CDH3: variants seen among roughly 807,000 people sequenced by gnomAD.
CDH3 encodes the protein cadherin 3, also known as cadherin-3.
CDH3 carries 54 observed loss-of-function variants against 82.0 expected under a neutral mutation model. The observed-to-expected ratio is 0.66, with a 90% CI of 0.53 to 0.83. The LOEUF is 0.83. Among genes scored for constraint, CDH3 ranks in the 40% least tolerant of loss-of-function variants. The pLI, the probability that CDH3 is intolerant of heterozygous loss-of-function variation, is 0.00. For synonymous variants in CDH3, 446 were observed against 437.9 expected (o/e 1.02, Z -0.23); for missense variants, 1,054 against 1,084.6 (o/e 0.97, Z 0.40).
intron 13 of CDH3, among the ~76,000 whole-genome samples, chr16:68,694,127 T>C (rs1310554017): frequency 6.6e-6 from 1 of 151,140 alleles, no homozygotes; most frequent in Non-Finnish European, 1.5e-5. Flanking sequence ...GCCACTGCAT[T>C]CCAGCCTGGG....
intron 9 of CDH3, 28 bp from the exon 10 acceptor site, chr16:68,684,555 C>A: frequency 6.2e-7 from 1 of 1,613,862 alleles, no homozygotes; most frequent in South Asian, 1.1e-5. Flanking sequence ...AAATGGTGGT[C>A]CAGGTCCTTC....
chr16:68,720,479 AAG>A (rs1376877377), intron 1 of CDH3, among the ~76,000 whole-genome samples: 1 of 152,184 alleles, frequency 6.6e-6, no homozygotes. Context: ...CCAGAAAGGG[AAG>A]AGAGAGCTCT....
rs1018954844 is a variant in CDH3 at position 68,684,879 on chromosome 16, G to A, written c.1424+55G>A. 3.7e-6 allele frequency: 6 copies of A among 1,608,810 alleles called. No individual in the cohort carries two copies. The African/African-American group carries it at 8.0e-5, about 21-fold the overall frequency. On this transcript the variant is annotated intron_variant, in intron 10 of 15. Coordinates refer to ENST00000264012, the MANE Select transcript of CDH3 (RefSeq NM_001793.6). ...ACGTACTGGTACAGTTGGTGGGTGG[G>A]TGATCATGGCCAACGTTTGTTCTGA...
In CDH3 at chr16:68,661,775, G is replaced by A. The variant is rs187066828; in HGVS notation, c.161-14610G>A. ...GCGATCTCAGCTCGCTGCAACCTCCGCCTCCCGGGTTCAAGCTATTCTCCT... is the reference window on the plus strand; with the variant it reads ...GCGATCTCAGCTCGCTGCAACCTCCACCTCCCGGGTTCAAGCTATTCTCCT... On this transcript the variant is annotated intron_variant, in intron 2 of 15. Transcript: ENST00000264012. Among the ~76,000 whole-genome samples the A allele has an allele frequency of 2.9e-3, 441 of 152,236 alleles. 4 individuals are homozygous for A. Among genetic ancestry groups the A allele is most frequent in the African/African-American group, 0.01 (421 of 41,528 alleles).
intron 2 of CDH3, among the ~76,000 whole-genome samples, chr16:68,663,956 T>C (rs1960669779): frequency 9.3e-6 from 1 of 106,958 alleles, no homozygotes; most frequent in Non-Finnish European, 1.9e-5. Flanking sequence ...CCTAAAGCTA[T>C]CCCTCCCCCC....
chr16:68,645,610 C>T, intron 1 of CDH3, 26 bp from the exon 2 acceptor site: 1 of 1,531,478 alleles, frequency 6.5e-7, no homozygotes, highest in Non-Finnish European at 8.8e-7. Flanking sequence ...GACCCAGCCT[C>T]CTTCACTCTC....
chr16:68,651,277 T>G (rs910515810), intron 2 of CDH3: 4 of 544,386 alleles, frequency 7.3e-6, no homozygotes, highest in Non-Finnish European at 1.5e-5. Context: ...GATGTGCAGC[T>G]GGGTCCAGGG....
intron 11 of CDH3, among the ~76,000 whole-genome samples, chr16:68,685,870 A>G (rs1961397130): frequency 6.6e-6 from 1 of 152,138 alleles, no homozygotes. Flanking sequence ...CCTAAAACCC[A>G]AGAGTTGGGA....
chr16:68,683,674 A>G (rs1423476260), intron 9 of CDH3, among the ~76,000 whole-genome samples: 2 of 11,194 alleles, frequency 1.8e-4, no homozygotes, highest in African/African-American at 6.0e-4. Flanking sequence ...AAAAAAAAAA[A>G]AAAAAAGAAA....
downstream of CDH3, among the ~76,000 whole-genome samples, chr16:68,702,721 C>T (rs976258030): frequency 2.0e-5 from 3 of 151,880 alleles, no homozygotes; most frequent in Non-Finnish European, 4.4e-5. Context: ...AAAAATTAGC[C>T]GGGTGTGGTG....
intron 2 of CDH3, chr16:68,645,985 C>T (rs1013790261): frequency 1.3e-5 from 7 of 552,770 alleles, no homozygotes; most frequent in South Asian, 1.1e-4. Context: ...CTTACCTTGA[C>T]CCCCTCCTCC....
intron 1 of CDH3, among the ~76,000 whole-genome samples, chr16:68,706,286 C>T (rs9934038): frequency 0.86 from 130,145 of 152,006 alleles, 55,881 homozygotes; most frequent in Non-Finnish European, 0.89. Context: ...AGTGTGCCTC[C>T]GTGGGGAGGG....
Position 68,712,126 on chromosome 16 carries a change from C to A in CDH3, c.100-10299C>A, listed in dbSNP as rs181024823. 1.4e-4 allele frequency among the ~76,000 whole-genome samples: 21 copies of A among 149,082 alleles called. No homozygotes were observed. The East Asian group carries it at 4.2e-3, about 30-fold the overall frequency. ...AATCCCAGCTCACTGCAGCCTCAAC[C>A]CCCCAGGCTCGAGCAATCCTCCCAT... On this transcript the variant is annotated intron_variant, in intron 1 of 2. Transcript: ENST00000569080.
chr16:68,645,600 G>T, intron 1 of CDH3, 36 bp from the exon 2 acceptor site: 2 of 1,513,918 alleles, frequency 1.3e-6, no homozygotes, highest in Non-Finnish European at 1.8e-6. Context: ...GGCACGCCTG[G>T]ACCCAGCCTC....
intron 2 of CDH3, among the ~76,000 whole-genome samples, chr16:68,670,997 C>T (rs1044763027): frequency 2.6e-5 from 4 of 152,006 alleles, no homozygotes; most frequent in African/African-American, 4.8e-5. Flanking sequence ...CGCTTGAGCC[C>T]GGGAGGTGGA....
chr16:68,687,470 G>T (rs369645905), intron 11 of CDH3, 42 bp from the exon 12 acceptor site: 32 of 1,534,012 alleles, frequency 2.1e-5, no homozygotes, highest in Non-Finnish European at 2.8e-5. Context: ...AGGCTGACTG[G>T]GTGGGTCACA....
chr16:68,645,718 C>T lies in CDH3; in HGVS notation c.128C>T (p.Ala43Val), dbSNP rs35416065. Residue 43 changes from alanine (A) to valine (V), a missense_variant, in exon 2 of 16, where the codon GCG becomes GTG. Ala to Val is a moderately conservative substitution (Grantham distance 64). Transcript: ENST00000264012. ...GAAGTGACCTTGGAGGCGGGAGGCG[C>T]GGAGCAGGAGCCCGGCCAGGCGCTG... ...EAEVTLEAGG[A>V]EQEPGQALGK... The T allele has an allele frequency of 1.2e-5, 18 of 1,545,358 alleles. No homozygotes were observed. Among genetic ancestry groups the T allele is most frequent in the Non-Finnish European group, 1.5e-5 (17 of 1,146,416 alleles).
rs1052598655 is a variant in CDH3, at chr16:68,699,043, GC to G, written c.*645del. ...TATTAAAGAAACTTTTCCCAGAGGT[GC>G]CTGGGGAGTGAACTGTTTTCTAAAT... On this transcript the variant is annotated 3_prime_UTR_variant, in exon 16 of 16. Coordinates refer to ENST00000264012, the MANE Select transcript of CDH3 (RefSeq NM_001793.6). 6.6e-6 allele frequency: 1 copy of G among 152,450 alleles called. No homozygotes were observed. The highest frequency in any genetic ancestry group is 2.4e-5 in the African/African-American group (1 of 41,434). 9.4% of individuals were successfully genotyped at this position (152,450 alleles called of 1,614,324 possible).
chr16:68,691,649 C>A, intron 12 of CDH3, 71 bp from the exon 13 acceptor site: 1 of 1,234,576 alleles, frequency 8.1e-7, no homozygotes. Context: ...TATTCTCAAA[C>A]TTTCTTCATG....
Sources: gnomAD v4.1 joint callset for allele counts (sites outside exome capture counted in the v4.1 genomes callset) on GRCh38, gnomAD v4.1.1 for gene constraint, MANE v1.5 for transcripts, NCBI Gene and HGNC (gene_info 2026-07-23, HGNC 2026-07-21) for gene names.